Variants in RARB observed in about 807,000 individuals in gnomAD.
RARB encodes HBV-activated protein.
A neutral mutation model predicts 51.9 loss-of-function variants in RARB; 17 were observed. That is an observed-to-expected ratio of 0.33 (90% CI 0.22 to 0.49). The LOEUF is 0.49. RARB is among the 20% of genes least tolerant of loss of function. The pLI, the probability that RARB is intolerant of heterozygous loss-of-function variation, is 0.99. For synonymous variants in RARB, 215 were observed against 195.4 expected (o/e 1.10, Z -0.84); for missense variants, 369 against 550.8 (o/e 0.67, Z 3.30).
At chr3:24,948,973 T>C (rs1398259550) in intron 2 of RARB, among the ~76,000 whole-genome samples, 1 of 152,156 alleles carries the variant, frequency 6.6e-6, no homozygotes, top group African/African-American at 2.4e-5. Context: ...TAGATGTTCC[T>C]TTATAGTGAC....
chr3:24,881,117 G>T (rs1703150930), intron 2 of RARB, among the ~76,000 whole-genome samples: 1 of 152,144 alleles, frequency 6.6e-6, no homozygotes, highest in Non-Finnish European at 1.5e-5. Flanking sequence ...ATGTTTGGCA[G>T]TTCCTCCTTT....
intron 5 of RARB, among the ~76,000 whole-genome samples, chr3:25,366,873 C>G (rs1706137237): frequency 6.6e-6 from 1 of 152,080 alleles, no homozygotes. Flanking sequence ...AAAGAGATTA[C>G]TTGCAGAGTG....
intron 2 of RARB, among the ~76,000 whole-genome samples, chr3:24,870,500 G>T (rs1478555446): frequency 1.3e-5 from 2 of 151,990 alleles, no homozygotes. Context: ...TATCAACACT[G>T]CTTTGTTTAA....
At chr3:25,421,214 A>G (rs949156367) in intron 5 of RARB, among the ~76,000 whole-genome samples, 1 of 151,742 alleles carries the variant, frequency 6.6e-6, no homozygotes, top group Non-Finnish European at 1.5e-5. Context: ...TCTCTTAGAG[A>G]ACTTGCCCTA....
intron 2 of RARB, among the ~76,000 whole-genome samples, chr3:25,009,472 T>A (rs941180706): frequency 2.0e-5 from 3 of 152,098 alleles, no homozygotes; most frequent in Non-Finnish European, 4.4e-5. Context: ...GTGATCGGCA[T>A]AAAAATTCAG....
intron 2 of RARB, among the ~76,000 whole-genome samples, chr3:24,975,681 T>G (rs565689531): frequency 6.6e-6 from 1 of 152,314 alleles, no homozygotes; most frequent in East Asian, 1.9e-4. Flanking sequence ...GAGGGTAAGT[T>G]AAACTCAGCT....
intron 5 of RARB, among the ~76,000 whole-genome samples, chr3:25,592,456 G>A (rs867027626): frequency 2.0e-4 from 30 of 152,254 alleles, no homozygotes; most frequent in Middle Eastern, 3.4e-3. Context: ...CTTTATTGTC[G>A]GTGCAGAAAT....
At chr3:25,146,766 A>G (rs1171248283) in intron 4 of RARB, among the ~76,000 whole-genome samples, 3 of 151,632 alleles carry the variant, frequency 2.0e-5, no homozygotes, top group South Asian at 2.1e-4. Context: ...TGATCCGCCC[A>G]CCTTGGCCTC....
At chr3:25,537,707 G>T (rs1401628128) in intron 3 of RARB, among the ~76,000 whole-genome samples, 1 of 152,152 alleles carries the variant, frequency 6.6e-6, no homozygotes, top group Non-Finnish European at 1.5e-5. Context: ...TTTGATTTAC[G>T]ACTCTCTTCT....
At position 24,934,520 on chromosome 3, in the gene RARB, T is replaced by C. The variant is rs551507625; in HGVS notation, c.-380+75768T>C. On this transcript the variant is annotated intron_variant, in intron 2 of 11. Coordinates refer to the RARB transcript ENST00000383772. ...GAATTTGGTCTTGTTCTATAAATTA[T>C]ATAAGAATAAGCCCAAAATCTCATA... Among the ~76,000 whole-genome samples the C allele has an allele frequency of 6.6e-5, 10 of 152,280 alleles. No homozygotes were observed. In the South Asian group the frequency reaches 2.1e-3, roughly 32 times the overall value.
At chr3:25,568,257 A>C (rs1410352473) in intron 3 of RARB, among the ~76,000 whole-genome samples, 3 of 152,208 alleles carry the variant, frequency 2.0e-5, no homozygotes, top group Admixed American at 1.3e-4. Context: ...AGTGAGTCCA[A>C]GTGAGGAAGG....
chr3:24,968,634 G>A (rs981645080), intron 2 of RARB, among the ~76,000 whole-genome samples: 1 of 152,070 alleles, frequency 6.6e-6, no homozygotes, highest in Non-Finnish European at 1.5e-5. Context: ...GGTATTATGG[G>A]TACATGGATA....
chr3:24,842,023 C>A (rs562524078), intron 1 of RARB, among the ~76,000 whole-genome samples: 3 of 152,166 alleles, frequency 2.0e-5, no homozygotes, highest in Non-Finnish European at 4.4e-5. Context: ...TATTTACATG[C>A]TCCAAAGATC....
chr3:25,365,199 CTTTTTTTTTTTTTT>C lies in RARB; in HGVS notation c.179-95980_179-95967del, dbSNP rs3035063. ...TAAGCCAACCATGTTTTCTTTCTTT[CTTTTTTTTTTTTTT>C]TTTTTTTTTTTTTGGCTGGAGGCTC... is the stretch of plus-strand genomic sequence containing the variant. On this transcript the variant is annotated intron_variant, in intron 5 of 11. Transcript: ENST00000383772. Among the ~76,000 whole-genome samples the C allele has an allele frequency of 1.3e-4, 10 of 75,448 alleles. 1 individual carries two copies. In the Middle Eastern group the frequency reaches 0.041, roughly 306 times the overall value. The allele number at this position is 75,448 out of a possible 152,430, so 49.5% of individuals were successfully genotyped here.
At chr3:24,847,984 T>C (rs1335559148) in intron 1 of RARB, among the ~76,000 whole-genome samples, 1 of 152,238 alleles carries the variant, frequency 6.6e-6, no homozygotes, top group Non-Finnish European at 1.5e-5. Flanking sequence ...GCACACTCAA[T>C]GCTTCAGGAT....
chr3:24,857,178 T>C (rs534863473), intron 1 of RARB, among the ~76,000 whole-genome samples: 2 of 152,182 alleles, frequency 1.3e-5, no homozygotes, highest in African/African-American at 2.4e-5. Context: ...AACTGGACTA[T>C]CATTCTTTTT....
At chr3:25,335,469 C>T (rs1705036401) in intron 5 of RARB, among the ~76,000 whole-genome samples, 1 of 152,218 alleles carries the variant, frequency 6.6e-6, no homozygotes, top group Non-Finnish European at 1.5e-5. Context: ...GGCATGTTGG[C>T]ATGTATTTTA....
intron 5 of RARB, among the ~76,000 whole-genome samples, chr3:25,361,286 T>G (rs765487929): frequency 6.6e-6 from 1 of 152,240 alleles, no homozygotes; most frequent in African/African-American, 2.4e-5. Flanking sequence ...TTGATACTTG[T>G]GTATGCTTCA....
chr3:24,860,333 C>T lies in RARB; in HGVS notation c.-380+1581C>T, dbSNP rs114456789. Among the ~76,000 whole-genome samples, 585 of 152,306 alleles carry T rather than the reference C, an allele frequency of 3.8e-3. 4 individuals carry two copies. Among genetic ancestry groups the T allele is most frequent in the Middle Eastern group, 0.014 (4 of 294 alleles). ...CCAGTAACCTCCCAACCTTTCTCAC[C>T]TCCTCTCAGCCTTCTTTTAGTTCTT... On this transcript the variant is annotated intron_variant, in intron 2 of 11. Coordinates refer to the RARB transcript ENST00000383772.
Sources: allele counts gnomAD v4.1 joint callset (sites outside exome capture counted in the v4.1 genomes callset), GRCh38; gene constraint gnomAD v4.1.1; transcripts MANE v1.5; gene names NCBI Gene and HGNC (gene_info 2026-07-23, HGNC 2026-07-21).